CNTN5: variants seen among roughly 807,000 people sequenced by gnomAD.
The protein encoded by CNTN5 is contactin-5.
CNTN5 carries 77 observed loss-of-function variants against 129.1 expected under a neutral mutation model. The ratio of observed to expected loss-of-function variants is 0.60; its 90% CI spans 0.50 to 0.72. The LOEUF is 0.72. Among genes scored for constraint, CNTN5 ranks in the 30% least tolerant of loss-of-function variants. The pLI is 0.00. For missense variants in CNTN5, 1,478 were observed against 1,328.8 expected (o/e 1.11, Z -1.75); for synonymous variants, 509 against 465.6 (o/e 1.09, Z -1.20).
chr11:100,013,076 A>G (rs1940619078), intron 9 of CNTN5, among the ~76,000 whole-genome samples: 1 of 152,200 alleles, frequency 6.6e-6, no homozygotes. Flanking sequence ...CCTGAGTGAA[A>G]CAACTCAGAA....
At chr11:99,538,047 A>T (rs1947965403) in intron 2 of CNTN5, among the ~76,000 whole-genome samples, 1 of 152,130 alleles carries the variant, frequency 6.6e-6, no homozygotes, top group Non-Finnish European at 1.5e-5. Context: ...ATAGTTAGAG[A>T]TTATTATTTG....
At chr11:100,111,141 A>G (rs1351931377) in intron 13 of CNTN5, among the ~76,000 whole-genome samples, 1 of 152,260 alleles carries the variant, frequency 6.6e-6, no homozygotes, top group East Asian at 1.9e-4. Flanking sequence ...TCATATCAAG[A>G]CTGTTTATAA....
intron 16 of CNTN5, among the ~76,000 whole-genome samples, chr11:100,225,747 T>A (rs1263832409): frequency 6.6e-6 from 1 of 152,124 alleles, no homozygotes; most frequent in Non-Finnish European, 1.5e-5. Flanking sequence ...CATGCTTAGA[T>A]CCCTTGTATG....
chr11:99,726,893 G>C (rs1211424009), intron 3 of CNTN5, among the ~76,000 whole-genome samples: 1 of 151,868 alleles, frequency 6.6e-6, no homozygotes, highest in African/African-American at 2.4e-5. Context: ...ATCCTTAAAA[G>C]AACCATAAAA....
At chr11:99,152,529 TG>T (rs1373582526) in intron 1 of CNTN5, among the ~76,000 whole-genome samples, 1 of 152,214 alleles carries the variant, frequency 6.6e-6, no homozygotes, top group Non-Finnish European at 1.5e-5. Flanking sequence ...TTTGAGCCTA[TG>T]GGTGTCATTG....
intron 9 of CNTN5, among the ~76,000 whole-genome samples, chr11:100,006,709 A>G (rs765444282): frequency 3.3e-5 from 5 of 152,208 alleles, no homozygotes; most frequent in African/African-American, 9.6e-5. Flanking sequence ...GGTTAGAACC[A>G]CTTCTTCCAA....
At chr11:99,070,518 T>A (rs1013294138) in intron 1 of CNTN5, among the ~76,000 whole-genome samples, 1 of 134,956 alleles carries the variant, frequency 7.4e-6, no homozygotes, top group African/African-American at 2.9e-5. Flanking sequence ...CATTTCCATA[T>A]GCATGCAGAT....
At chr11:99,456,254 C>CT (rs1426040354) in intron 2 of CNTN5, among the ~76,000 whole-genome samples, 1 of 151,990 alleles carries the variant, frequency 6.6e-6, no homozygotes, top group East Asian at 1.9e-4. Flanking sequence ...AAAGGATCAT[C>CT]AACCCACCGA....
At chr11:99,816,075 C>T (rs1946576697) in intron 3 of CNTN5, among the ~76,000 whole-genome samples, 2 of 152,148 alleles carry the variant, frequency 1.3e-5, no homozygotes, top group African/African-American at 4.8e-5. Flanking sequence ...TTAAATTCAA[C>T]TATTAATAGA....
intron 23 of CNTN5, 50 bp downstream of exon 23, chr11:100,341,255 A>G (rs201762636): frequency 1.1e-5 from 14 of 1,331,606 alleles, no homozygotes; most frequent in Non-Finnish European, 1.4e-5. Context: ...CGAAATTGTT[A>G]TTATGAAGAT....
At chr11:99,314,067 G>A (rs1865231735) in intron 1 of CNTN5, among the ~76,000 whole-genome samples, 1 of 151,958 alleles carries the variant, frequency 6.6e-6, no homozygotes, top group South Asian at 2.1e-4. Context: ...GGTGACATGT[G>A]AAGCTGTTTA....
chr11:99,683,194 CTATCA>C (rs1265438040), intron 3 of CNTN5, among the ~76,000 whole-genome samples: 1 of 151,680 alleles, frequency 6.6e-6, no homozygotes, highest in Non-Finnish European at 1.5e-5. Flanking sequence ...TAGTACTTCT[CTATCA>C]TGTTTCAGAA....
chr11:99,729,012 A>G (rs1462960506), intron 3 of CNTN5, among the ~76,000 whole-genome samples: 5 of 152,158 alleles, frequency 3.3e-5, no homozygotes, highest in Admixed American at 3.3e-4. Flanking sequence ...TGATTTCAAC[A>G]TTAATAGGAG....
chr11:99,405,489 G>C (rs1457470674), intron 2 of CNTN5, among the ~76,000 whole-genome samples: 3 of 151,712 alleles, frequency 2.0e-5, no homozygotes, highest in Non-Finnish European at 2.9e-5. Context: ...TTCTATTAAA[G>C]GACTCTGATA....
intron 13 of CNTN5, among the ~76,000 whole-genome samples, chr11:100,157,716 A>C (rs1947303500): frequency 6.6e-6 from 1 of 151,876 alleles, no homozygotes; most frequent in Admixed American, 6.6e-5. Flanking sequence ...ATAAGAATGC[A>C]GAATTTAAAT....
intron 2 of CNTN5, among the ~76,000 whole-genome samples, chr11:99,432,519 TC>T (rs1285428851): frequency 4.1e-5 from 6 of 144,740 alleles, no homozygotes; most frequent in African/African-American, 1.5e-4. Context: ...TCTCTCTCTG[TC>T]TTTGTTTCTT....
In CNTN5 at chr11:99,819,537, C is replaced by G. The variant is rs1946718536; in HGVS notation, c.56-7C>G. On this transcript the variant is annotated splice_region_variant and splice_polypyrimidine_tract_variant and intron_variant, in intron 3 of 24. Coordinates refer to ENST00000524871, the MANE Select transcript of CNTN5 (RefSeq NM_014361.4). ...ATTCAGATTTTATTATATTTTTTCTCTTACAGAGTATTCAAAATCTCTTCC... is the reference window on the plus strand; with the variant it reads ...ATTCAGATTTTATTATATTTTTTCTGTTACAGAGTATTCAAAATCTCTTCC... 3 of 1,596,390 alleles carry G rather than the reference C, an allele frequency of 1.9e-6. No individual in the cohort carries two copies. The highest frequency in any genetic ancestry group is 2.2e-5 in the South Asian group (2 of 90,534).
At chr11:100,349,644 G>A (rs1321118539) in intron 23 of CNTN5, among the ~76,000 whole-genome samples, 2 of 151,664 alleles carry the variant, frequency 1.3e-5, no homozygotes, top group Non-Finnish European at 2.9e-5. Context: ...TTCATATCCA[G>A]ATCTGTATGA....
chr11:99,260,250 C>A (rs1297152841), intron 1 of CNTN5, among the ~76,000 whole-genome samples: 8 of 151,382 alleles, frequency 5.3e-5, no homozygotes, highest in African/African-American at 9.7e-5. Context: ...ATGTAAACTG[C>A]CTTAAATATA....
Sources: gnomAD v4.1 joint callset for allele counts (sites outside exome capture counted in the v4.1 genomes callset) on GRCh38, gnomAD v4.1.1 for gene constraint, MANE v1.5 for transcripts, NCBI Gene and HGNC (gene_info 2026-07-23, HGNC 2026-07-21) for gene names.